FCRL4: variants seen among roughly 807,000 people sequenced by gnomAD.
FCRL4 encodes Fc receptor-like protein 4.
A neutral mutation model predicts 64.1 loss-of-function variants in FCRL4; 43 were observed. The ratio of observed to expected loss-of-function variants is 0.67; its 90% CI spans 0.53 to 0.87. The LOEUF is 0.87. Ranked by LOEUF, FCRL4 falls within the 40% of genes least tolerant of loss-of-function variation. The pLI is 0.00. For missense variants in FCRL4, 656 were observed against 613.5 expected (o/e 1.07, Z -0.73); for synonymous variants, 253 against 239.8 (o/e 1.05, Z -0.51).
At chr1:157,587,233 G>A in intron 5 of FCRL4, 43 bp downstream of exon 5, 1 of 1,599,072 alleles carries the variant, frequency 6.3e-7, no homozygotes, top group Non-Finnish European at 8.5e-7. Context: ...GAGCCCAAGG[G>A]GCAGAGAGAG....
In FCRL4 at chr1:157,586,413, C is replaced by T. The variant is rs754022335; in HGVS notation, c.890G>A (p.Gly297Glu). 4.3e-6 allele frequency: 7 copies of T among 1,612,340 alleles called. No individual in the cohort carries two copies. In the Admixed American group the frequency reaches 5.0e-5, roughly 12 times the overall value. ...CATCTCCCCTTCAACAGCCTGGCCC[C>T]CTGAGGGCTGGGTCTCCAGGAGCAC... ...SGVLLETQPS[G>E]GQAVEGEMLV... The change falls in exon 6 of 12, where the codon GGG (glycine) becomes GAG (glutamate). Residue 297 changes from glycine to glutamate, a missense_variant. Gly to Glu is a moderately conservative substitution (Grantham distance 98, BLOSUM62 -2). Coordinates refer to ENST00000271532, the MANE Select transcript of FCRL4 (RefSeq NM_031282.3).
Position 157,580,362 on chromosome 1 carries a change from C to A in FCRL4, c.1250-14G>T. ...AGAAACCAACTCCTGCAAAATAAAG[C>A]AAAGACGCATTTTTGTCAGCAGAGG... On this transcript the variant is annotated splice_polypyrimidine_tract_variant and intron_variant, in intron 7 of 11. Transcript: ENST00000271532. 1.2e-6 allele frequency: 2 copies of A among 1,614,086 alleles called. 1 individual carries two copies.
Position 157,575,827 on chromosome 1 carries a change from C to A in FCRL4, c.1430-97G>T. ...CCCTAGAGTCTGAGAGCCACTGGGC[C>A]CTGTCCACCTCATCCCCTCCACCTC... is the stretch of plus-strand genomic sequence containing the variant. On this transcript the variant is annotated intron_variant, in intron 10 of 11. Coordinates refer to ENST00000271532, the MANE Select transcript of FCRL4 (RefSeq NM_031282.3). 4 of 1,090,746 alleles carry A rather than the reference C, an allele frequency of 3.7e-6. No homozygotes were observed. In the Admixed American group the frequency reaches 6.7e-5, roughly 18 times the overall value. 67.6% of individuals were successfully genotyped at this position (1,090,746 alleles called of 1,614,324 possible).
chr1:157,588,845 GCTC>G (rs1217028432), intron 3 of FCRL4, among the ~76,000 whole-genome samples: 1 of 152,194 alleles, frequency 6.6e-6, no homozygotes, highest in Non-Finnish European at 1.5e-5. Flanking sequence ...CCACCTCTGA[GCTC>G]CTTCGATGGC....
At position 157,573,972 on chromosome 1, in the gene FCRL4, C is replaced by T. The variant is rs2758679; in HGVS notation, c.*1552G>A. On this transcript the variant is annotated 3_prime_UTR_variant, in exon 12 of 12. Transcript: ENST00000271532. ...AGACCCACACATTCCTTTTGGTCGA[C>T]ATGTCTCGTCTCATTTAATTTATAT... 0.79 allele frequency: 157,273 copies of T among 199,336 alleles called. 62,353 individuals carry two copies. The highest frequency in any genetic ancestry group is 0.87 in the East Asian group (11,263 of 12,920). The allele number at this position is 199,336 out of a possible 1,614,324, so 12.3% of individuals were successfully genotyped here.
chr1:157,596,562 C>A (rs1262937199), intron 1 of FCRL4, among the ~76,000 whole-genome samples: 1 of 152,122 alleles, frequency 6.6e-6, no homozygotes, highest in Non-Finnish European at 1.5e-5. Flanking sequence ...TGACCCAGGG[C>A]AAACCACATG....
intron 2 of FCRL4, 103 bp downstream of exon 2, chr1:157,596,225 A>G (rs1479107127): frequency 2.3e-6 from 3 of 1,314,974 alleles, no homozygotes; most frequent in Admixed American, 1.8e-5. Flanking sequence ...AGCACTCAGG[A>G]AAAGGATGAA....
chr1:157,588,232 C>A, intron 3 of FCRL4, 113 bp from the exon 4 acceptor site: 1 of 1,319,932 alleles, frequency 7.6e-7, no homozygotes, highest in Non-Finnish European at 1.0e-6. Flanking sequence ...GATGTAGTTT[C>A]CTGATCCAAG....
Position 157,579,968 on chromosome 1 carries a change from A to G in FCRL4, c.1277+353T>C, listed in dbSNP as rs143359836. 2.0e-3 allele frequency among the ~76,000 whole-genome samples: 304 copies of G among 152,354 alleles called. 1 individual carries two copies. The highest frequency in any genetic ancestry group is 7.1e-3 in the African/African-American group (294 of 41,584). On this transcript the variant is annotated intron_variant, in intron 8 of 11. Transcript: ENST00000271532. ...CATAGAGTTCTCTGGAAAACCTAGA[A>G]CATTTGTAGAAAATCTAGACTCTAG...
At chr1:157,576,519 G>A (rs1652419102) in intron 10 of FCRL4, among the ~76,000 whole-genome samples, 1 of 152,172 alleles carries the variant, frequency 6.6e-6, no homozygotes, top group Non-Finnish European at 1.5e-5. Flanking sequence ...TAAGGAACAG[G>A]TGAAGAAACC....
chr1:157,596,620 G>A (rs900040760), intron 1 of FCRL4, among the ~76,000 whole-genome samples: 2 of 152,172 alleles, frequency 1.3e-5, no homozygotes, highest in Non-Finnish European at 2.9e-5. Context: ...GCTCATGAAA[G>A]CGACCTCATA....
chr1:157,589,093 T>A, intron 3 of FCRL4, 111 bp downstream of exon 3: 1 of 1,204,672 alleles, frequency 8.3e-7, no homozygotes, highest in Non-Finnish European at 1.2e-6. Context: ...CTAAAGGAGC[T>A]GGGATCGAGG....
At position 157,585,378 on chromosome 1, in the gene FCRL4, CTTT is replaced by C. The variant is rs1431863025; in HGVS notation, c.1135+787_1135+789del. Among the ~76,000 whole-genome samples the C allele has an allele frequency of 1.5e-4, 16 of 105,260 alleles. No homozygotes were observed. The South Asian group carries it at 3.5e-3, about 23-fold the overall frequency. 69.1% of individuals were successfully genotyped at this position (105,260 alleles called of 152,430 possible). A position where few individuals can be genotyped will look rare whatever the true frequency, so the allele number is the denominator to read the frequency against. ...TCTTTCTTTCTTTCTTTCTTTCTTT[CTTT>C]CTTTCTTTCTTTCCTTCTTTCTTTC... On this transcript the variant is annotated intron_variant, in intron 6 of 11. Transcript: ENST00000271532.
At chr1:157,594,158 A>T (rs549036192) in intron 2 of FCRL4, among the ~76,000 whole-genome samples, 10 of 152,242 alleles carry the variant, frequency 6.6e-5, no homozygotes, top group Non-Finnish European at 1.2e-4. Context: ...CTCAAAAGTC[A>T]GTCCCAATGC....
chr1:157,590,882 C>G (rs577307309), intron 2 of FCRL4, among the ~76,000 whole-genome samples: 1 of 152,054 alleles, frequency 6.6e-6, no homozygotes, highest in Non-Finnish European at 1.5e-5. Flanking sequence ...TCAAGAGAAC[C>G]TTTTTCCTTG....
intron 6 of FCRL4, among the ~76,000 whole-genome samples, chr1:157,582,204 G>A (rs1017564227): frequency 6.6e-6 from 1 of 152,196 alleles, no homozygotes; most frequent in East Asian, 1.9e-4. Flanking sequence ...ATTGTTAGGG[G>A]CTTTTGATAT....
At position 157,580,349 on chromosome 1, in the gene FCRL4, C is replaced by G; in HGVS notation, c.1250-1G>C. The G allele has an allele frequency of 6.2e-7, 1 of 1,614,102 alleles. No homozygotes were observed. Among genetic ancestry groups the G allele is most frequent in the South Asian group, 1.1e-5 (1 of 91,064 alleles). On this transcript the variant is annotated splice_acceptor_variant, in intron 7 of 11. Transcript: ENST00000271532. LOFTEE classifies it high-confidence loss of function. ...GTTTCGTCTCCCAAGAAACCAACTC[C>G]TGCAAAATAAAGCAAAGACGCATTT...
chr1:157,583,600 C>T (rs1652611347), intron 6 of FCRL4, among the ~76,000 whole-genome samples: 2 of 152,142 alleles, frequency 1.3e-5, no homozygotes, highest in African/African-American at 4.8e-5. Context: ...AGCAGGTAGC[C>T]TTCTGTAAGC....
intron 6 of FCRL4, among the ~76,000 whole-genome samples, chr1:157,583,506 C>G (rs1652608815): frequency 6.6e-6 from 1 of 152,040 alleles, no homozygotes; most frequent in Admixed American, 6.6e-5. Context: ...GGGTGGGGCC[C>G]CAAAGATAGG....
Sources: gnomAD v4.1 joint callset for allele counts (sites outside exome capture counted in the v4.1 genomes callset) on GRCh38, gnomAD v4.1.1 for gene constraint, MANE v1.5 for transcripts, NCBI Gene and HGNC (gene_info 2026-07-23, HGNC 2026-07-21) for gene names.